Variants in ANO4 observed in about 807,000 individuals in gnomAD.
The protein encoded by ANO4 is anoctamin 4.
A neutral mutation model predicts 141.9 loss-of-function variants in ANO4; 69 were observed. That is an observed-to-expected ratio of 0.49 (90% CI 0.40 to 0.59). The LOEUF is 0.59. Among genes scored for constraint, ANO4 ranks in the 20% least tolerant of loss-of-function variants. ANO4 has a pLI of 0.00. For missense variants in ANO4, 894 were observed against 1,162.2 expected (o/e 0.77, Z 3.36); for synonymous variants, 350 against 394.3 (o/e 0.89, Z 1.33).
At chr12:101,108,878 G>T (rs1593291607) in intron 22 of ANO4, among the ~76,000 whole-genome samples, 1 of 152,130 alleles carries the variant, frequency 6.6e-6, no homozygotes, top group Admixed American at 6.5e-5. Context: ...AACAAGAAAA[G>T]TTAAGAATAC....
chr12:100,866,752 T>G (rs546820831), intron 1 of ANO4, among the ~76,000 whole-genome samples: 1 of 152,184 alleles, frequency 6.6e-6, no homozygotes, highest in Non-Finnish European at 1.5e-5. Context: ...AAAAATTCTG[T>G]AAGTGGATAG....
chr12:100,958,294 C>T (rs1284156550), intron 5 of ANO4, among the ~76,000 whole-genome samples: 1 of 152,186 alleles, frequency 6.6e-6, no homozygotes, highest in African/African-American at 2.4e-5. Flanking sequence ...TTGCTTCGTC[C>T]TCTCTATAAA....
chr12:100,939,899 C>A (rs1566034942), intron 4 of ANO4, among the ~76,000 whole-genome samples: 1 of 152,126 alleles, frequency 6.6e-6, no homozygotes, highest in African/African-American at 2.4e-5. Context: ...TGTAAATAGA[C>A]CTATCTATTT....
intron 3 of ANO4, among the ~76,000 whole-genome samples, chr12:100,744,055 C>T (rs2031990493): frequency 6.6e-6 from 1 of 152,196 alleles, no homozygotes; most frequent in Non-Finnish European, 1.5e-5. Context: ...TATCCAATCC[C>T]CAGCTGCATA....
chr12:101,034,529 A>G (rs2047115619), intron 9 of ANO4, among the ~76,000 whole-genome samples: 1 of 152,254 alleles, frequency 6.6e-6, no homozygotes, highest in Non-Finnish European at 1.5e-5. Flanking sequence ...GGACAGGTCA[A>G]TAGGAGCAGC....
At chr12:100,861,118 G>A (rs961714136) in intron 1 of ANO4, among the ~76,000 whole-genome samples, 4 of 152,128 alleles carry the variant, frequency 2.6e-5, no homozygotes, top group East Asian at 1.9e-4. Flanking sequence ...TGATTGGTCC[G>A]TTTTAGAGAG....
intron 1 of ANO4, among the ~76,000 whole-genome samples, chr12:100,819,284 A>T (rs141711655): frequency 1.5e-4 from 23 of 152,010 alleles, no homozygotes; most frequent in African/African-American, 5.5e-4. Flanking sequence ...CCCACAGTAG[A>T]TTAAAATATT....
rs566555994 is a variant in ANO4, at chr12:100,929,550, C to G, written c.160+7220C>G. 2.0e-5 allele frequency among the ~76,000 whole-genome samples: 3 copies of G among 152,256 alleles called. No homozygotes were observed. In the East Asian group the frequency reaches 5.8e-4, roughly 29 times the overall value. ...CACTTAGGTTCCTTCCAAATCTTGG[C>G]TATTGTGAATAGTGCTGCAGTAAAC... On this transcript the variant is annotated intron_variant, in intron 3 of 27. Coordinates refer to ENST00000392977, the MANE Select transcript of ANO4 (RefSeq NM_001286615.2).
intron 9 of ANO4, among the ~76,000 whole-genome samples, chr12:101,026,272 T>C (rs1242149048): frequency 6.6e-6 from 1 of 152,218 alleles, no homozygotes; most frequent in African/African-American, 2.4e-5. Flanking sequence ...AAATCACTTA[T>C]AATTAGCCCC....
chr12:100,728,855 G>A (rs547790513), intron 1 of ANO4, among the ~76,000 whole-genome samples: 3 of 152,174 alleles, frequency 2.0e-5, no homozygotes, highest in Non-Finnish European at 4.4e-5. Flanking sequence ...GACAAGTGAG[G>A]AAGAAAAATG....
chr12:101,023,889 G>T (rs1017291981), intron 9 of ANO4, among the ~76,000 whole-genome samples: 1 of 152,126 alleles, frequency 6.6e-6, no homozygotes, highest in East Asian at 1.9e-4. Flanking sequence ...TTAATTTCTT[G>T]ATAGAACTAA....
At chr12:100,792,528 A>G (rs1801902552), upstream of ANO4, among the ~76,000 whole-genome samples, 1 of 152,368 alleles carries the variant, frequency 6.6e-6, no homozygotes, top group Non-Finnish European at 1.5e-5. Context: ...ACAAAAATTA[A>G]TGTTGTTGCT....
chr12:100,897,200 G>A (rs1478159945), intron 1 of ANO4, among the ~76,000 whole-genome samples: 1 of 152,242 alleles, frequency 6.6e-6, no homozygotes, highest in East Asian at 1.9e-4. Flanking sequence ...AGGTATTTTT[G>A]TAATGATTAT....
At chr12:100,930,047 A>G (rs964230256) in intron 3 of ANO4, among the ~76,000 whole-genome samples, 2 of 151,970 alleles carry the variant, frequency 1.3e-5, no homozygotes, top group Non-Finnish European at 2.9e-5. Context: ...TTTCCTCTAG[A>G]GTTGTTTGAG....
intron 10 of ANO4, 43 bp downstream of exon 10, chr12:101,037,193 G>A: frequency 3.1e-6 from 5 of 1,588,074 alleles, no homozygotes; most frequent in Non-Finnish European, 4.3e-6. Context: ...TCAATCGTTT[G>A]TTACTAAAGT....
At chr12:101,050,935 A>G (rs1474076167) in intron 14 of ANO4, among the ~76,000 whole-genome samples, 2 of 152,224 alleles carry the variant, frequency 1.3e-5, no homozygotes, top group Non-Finnish European at 2.9e-5. Flanking sequence ...TAAGAGTGGT[A>G]TCCTGGTGGT....
chr12:101,104,580 T>C (rs4764635), intron 22 of ANO4, among the ~76,000 whole-genome samples: 11,530 of 143,580 alleles, frequency 0.08, 667 homozygotes, highest in Admixed American at 0.13. Flanking sequence ...TTCAGGCTTT[T>C]GATAATATAT....
Position 100,826,035 on chromosome 12 carries a change from G to A in ANO4, c.-141+31008G>A, listed in dbSNP as rs115310154. ...CAATCAAATCATTAGCCAGAGAAATGTAATTATTTATAACTCAGCCAAGCT... is the reference window on the plus strand; with the variant it reads ...CAATCAAATCATTAGCCAGAGAAATATAATTATTTATAACTCAGCCAAGCT... On this transcript the variant is annotated intron_variant, in intron 1 of 27. Coordinates refer to ENST00000392977, the MANE Select transcript of ANO4 (RefSeq NM_001286615.2). Among the ~76,000 whole-genome samples the A allele has an allele frequency of 8.2e-3, 1,250 of 152,130 alleles. 20 individuals carry two copies. Among genetic ancestry groups the A allele is most frequent in the African/African-American group, 0.028 (1,181 of 41,540 alleles).
chr12:100,774,158 C>A (rs1310563887), intron 3 of ANO4, among the ~76,000 whole-genome samples: 1 of 148,796 alleles, frequency 6.7e-6, no homozygotes, highest in African/African-American at 2.5e-5. Flanking sequence ...AAAAATATAA[C>A]CGTCTGTGCA....
Sources: allele counts gnomAD v4.1 joint callset (sites outside exome capture counted in the v4.1 genomes callset), GRCh38; gene constraint gnomAD v4.1.1; transcripts MANE v1.5; gene names NCBI Gene and HGNC (gene_info 2026-07-23, HGNC 2026-07-21).